Variants in SLC35F2 observed in about 807,000 individuals in gnomAD.
The protein encoded by SLC35F2 is queuine/queuosine transporter SLC35F2.
In SLC35F2, 25 loss-of-function variants were observed where a neutral mutation model predicts 38.1. That is an observed-to-expected ratio of 0.66 (90% CI 0.48 to 0.92). The LOEUF is 0.92. Among genes scored for constraint, SLC35F2 ranks in the 40% least tolerant of loss-of-function variants. SLC35F2 has a pLI of 0.00. For synonymous variants in SLC35F2, 173 were observed against 181.7 expected (o/e 0.95, Z 0.38); for missense variants, 409 against 452.9 (o/e 0.90, Z 0.88).
At chr11:107,821,347 T>A (rs768945152) in intron 1 of SLC35F2, 43 of 935,722 alleles carry the variant, frequency 4.6e-5, no homozygotes, top group Admixed American at 1.2e-4. Context: ...AAAAGGAGAG[T>A]CACAAATTGA....
At chr11:107,832,748 A>C (rs1490336713) in intron 1 of SLC35F2, among the ~76,000 whole-genome samples, 2 of 152,202 alleles carry the variant, frequency 1.3e-5, no homozygotes, top group Non-Finnish European at 2.9e-5. Flanking sequence ...TCAAGGCTGC[A>C]GTGAGCCATG....
At chr11:107,805,335 T>C (rs934235768) in intron 5 of SLC35F2, 24 bp downstream of exon 5, 1 of 1,581,320 alleles carries the variant, frequency 6.3e-7, no homozygotes, top group Non-Finnish European at 8.5e-7. Context: ...ATTTTGTCTT[T>C]AGAAAAAAAT....
chr11:107,819,336 G>A (rs766024926), intron 1 of SLC35F2, among the ~76,000 whole-genome samples: 1 of 152,186 alleles, frequency 6.6e-6, no homozygotes, highest in Non-Finnish European at 1.5e-5. Context: ...TCTCCAAAGG[G>A]AAGGTGATGA....
At chr11:107,828,742 G>A (rs1859791863) in intron 1 of SLC35F2, among the ~76,000 whole-genome samples, 1 of 152,124 alleles carries the variant, frequency 6.6e-6, no homozygotes, top group African/African-American at 2.4e-5. Flanking sequence ...CAACAAAAAA[G>A]AAAGAGACAA....
chr11:107,857,335 G>A (rs1022942408), intron 1 of SLC35F2, among the ~76,000 whole-genome samples: 3 of 138,314 alleles, frequency 2.2e-5, no homozygotes, highest in Middle Eastern at 9.3e-3. Flanking sequence ...AGGAAGGAAG[G>A]AGAGAGAGGG....
chr11:107,810,311 G>C, intron 3 of SLC35F2: 2 of 985,316 alleles, frequency 2.0e-6, no homozygotes, highest in Non-Finnish European at 2.4e-6. Flanking sequence ...TTGAAAGAAG[G>C]CATGAACTTC....
At chr11:107,815,494 G>A (rs1335910081) in intron 2 of SLC35F2, among the ~76,000 whole-genome samples, 1 of 151,596 alleles carries the variant, frequency 6.6e-6, no homozygotes, top group African/African-American at 2.4e-5. Context: ...GGAGGTCAAG[G>A]CTGCAGTGAG....
intron 1 of SLC35F2, 116 bp downstream of exon 1, chr11:107,858,542 G>T: frequency 1.0e-6 from 1 of 971,144 alleles, no homozygotes; most frequent in Non-Finnish European, 1.4e-6. Flanking sequence ...CCGTGCGGCC[G>T]CCACCTCTGC....
At chr11:107,825,645 C>G (rs970411985) in intron 1 of SLC35F2, among the ~76,000 whole-genome samples, 2 of 152,152 alleles carry the variant, frequency 1.3e-5, no homozygotes, top group South Asian at 4.1e-4. Flanking sequence ...GTTGGGATTA[C>G]AGTCGTGAGC....
At chr11:107,834,481 T>G (rs534781383) in intron 1 of SLC35F2, among the ~76,000 whole-genome samples, 1 of 152,058 alleles carries the variant, frequency 6.6e-6, no homozygotes, top group Non-Finnish European at 1.5e-5. Flanking sequence ...TGAAACCCCA[T>G]CTCTACTAAA....
rs551424772 is a variant in SLC35F2 at position 107,827,606 on chromosome 11, G to A, written c.111-11641C>T. On this transcript the variant is annotated intron_variant, in intron 1 of 7. Coordinates refer to ENST00000525815, the MANE Select transcript of SLC35F2 (RefSeq NM_017515.5). ...TCTACTAAAAATACAAAAATCAGCC[G>A]GGCATGGTGGCATGCACCTGTAATC... Among the ~76,000 whole-genome samples the A allele has an allele frequency of 2.5e-4, 38 of 152,188 alleles. 2 individuals carry two copies. In the South Asian group the frequency reaches 4.6e-3, roughly 18 times the overall value.
At chr11:107,826,020 C>G (rs1211369714) in intron 1 of SLC35F2, among the ~76,000 whole-genome samples, 1 of 152,042 alleles carries the variant, frequency 6.6e-6, no homozygotes, top group Non-Finnish European at 1.5e-5. Context: ...ATTTACAAAG[C>G]TATTCATTAC....
At chr11:107,848,508 T>C (rs1205940486) in intron 1 of SLC35F2, among the ~76,000 whole-genome samples, 1 of 152,146 alleles carries the variant, frequency 6.6e-6, no homozygotes, top group Non-Finnish European at 1.5e-5. Flanking sequence ...TCTACATAAA[T>C]GGGATTAGTG....
At chr11:107,798,893 T>C (rs1859262717) in intron 7 of SLC35F2, among the ~76,000 whole-genome samples, 1 of 152,106 alleles carries the variant, frequency 6.6e-6, no homozygotes. Context: ...CTGGCCAACA[T>C]AGTGAAACCC....
intron 7 of SLC35F2, among the ~76,000 whole-genome samples, chr11:107,801,225 A>G (rs79822910): frequency 2.8e-4 from 43 of 152,228 alleles, no homozygotes; most frequent in African/African-American, 8.4e-4. Flanking sequence ...TATCATTACT[A>G]TAATACTAAA....
intron 7 of SLC35F2, among the ~76,000 whole-genome samples, chr11:107,798,264 A>G (rs1859251914): frequency 6.6e-6 from 1 of 152,166 alleles, no homozygotes; most frequent in Non-Finnish European, 1.5e-5. Context: ...TCAGTCTCCC[A>G]AAGTGCTGGG....
intron 7 of SLC35F2, among the ~76,000 whole-genome samples, chr11:107,797,090 G>A (rs931863245): frequency 2.0e-5 from 3 of 152,178 alleles, no homozygotes; most frequent in Non-Finnish European, 2.9e-5. Flanking sequence ...GGTGATGGAC[G>A]TCTCAAATAC....
intron 6 of SLC35F2, among the ~76,000 whole-genome samples, chr11:107,803,835 AT>A (rs548040442): frequency 6.8e-6 from 1 of 146,508 alleles, no homozygotes; most frequent in Non-Finnish European, 1.5e-5. Context: ...ATTTTTATTT[AT>A]TTTTTTTGAG....
At position 107,858,532 on chromosome 11, in the gene SLC35F2, C is replaced by T. The variant is rs576368285; in HGVS notation, c.110+126G>A. 330 of 867,842 alleles carry T rather than the reference C, an allele frequency of 3.8e-4. 1 individual carries two copies. In the East Asian group the frequency reaches 0.011, roughly 29 times the overall value. 53.8% of individuals were successfully genotyped at this position (867,842 alleles called of 1,614,324 possible). A position where few individuals can be genotyped will look rare whatever the true frequency, so the allele number is the denominator to read the frequency against. ...TGCGTGTTGAGCCCCGAACCGAAGTCCGTGCGGCCGCCACCTCTGCCTCCC... is the reference window on the plus strand; with the variant it reads ...TGCGTGTTGAGCCCCGAACCGAAGTTCGTGCGGCCGCCACCTCTGCCTCCC... On this transcript the variant is annotated intron_variant, in intron 1 of 7. Transcript: ENST00000525815.
Sources: gnomAD v4.1 joint callset for allele counts (sites outside exome capture counted in the v4.1 genomes callset) on GRCh38, gnomAD v4.1.1 for gene constraint, MANE v1.5 for transcripts, NCBI Gene and HGNC (gene_info 2026-07-23, HGNC 2026-07-21) for gene names.